Variants in FBXL7 observed in about 807,000 individuals in gnomAD.
FBXL7 encodes the protein F-box and leucine rich repeat protein 7, also known as F-box/LRR-repeat protein 7.
In FBXL7, 12 loss-of-function variants were observed where a neutral mutation model predicts 38.3. That is an observed-to-expected ratio of 0.31 (90% CI 0.20 to 0.51). FBXL7 has a LOEUF of 0.51. FBXL7 is among the 20% of genes least tolerant of loss of function. The pLI is 0.98. For synonymous variants in FBXL7, 297 were observed against 300.9 expected (o/e 0.99, Z 0.13); for missense variants, 567 against 676.4 (o/e 0.84, Z 1.79).
chr5:15,929,557 G>C (rs138533613), intron 3 of FBXL7, among the ~76,000 whole-genome samples: 3 of 150,402 alleles, frequency 2.0e-5, no homozygotes, highest in Non-Finnish European at 4.4e-5. Flanking sequence ...CCAGGAGTTC[G>C]AAGCTGCAGT....
At chr5:15,923,883 C>A (rs1741811892) in intron 2 of FBXL7, among the ~76,000 whole-genome samples, 1 of 151,974 alleles carries the variant, frequency 6.6e-6, no homozygotes, top group Admixed American at 6.6e-5. Flanking sequence ...AAGTATCTTT[C>A]ATTCCTCAGT....
chr5:15,545,492 GATT>G (rs1260406276), intron 1 of FBXL7, among the ~76,000 whole-genome samples: 1 of 152,140 alleles, frequency 6.6e-6, no homozygotes, highest in Non-Finnish European at 1.5e-5. Context: ...TAATCATATA[GATT>G]ATTATTTTCT....
intron 2 of FBXL7, among the ~76,000 whole-genome samples, chr5:15,643,832 G>T (rs1460004640): frequency 1.3e-5 from 2 of 152,328 alleles, no homozygotes; most frequent in South Asian, 4.1e-4. Context: ...GGCTGTAGAG[G>T]TGGCTCCTTG....
chr5:15,690,959 T>C (rs1047437541), intron 2 of FBXL7, among the ~76,000 whole-genome samples: 9 of 152,224 alleles, frequency 5.9e-5, no homozygotes, highest in Admixed American at 5.9e-4. Flanking sequence ...TTTGAGGATG[T>C]TGGCACTCTA....
intron 2 of FBXL7, among the ~76,000 whole-genome samples, chr5:15,763,021 G>A (rs1736490159): frequency 6.6e-6 from 1 of 151,916 alleles, no homozygotes; most frequent in Admixed American, 6.6e-5. Flanking sequence ...TTTCTCTCTT[G>A]CTCTAACACT....
At chr5:15,513,960 A>G (rs1004379382) in intron 1 of FBXL7, among the ~76,000 whole-genome samples, 8 of 151,878 alleles carry the variant, frequency 5.3e-5, no homozygotes, top group Non-Finnish European at 7.4e-5. Flanking sequence ...TTACCCTGCA[A>G]TCCTGTTTGG....
intron 2 of FBXL7, among the ~76,000 whole-genome samples, chr5:15,834,198 G>A (rs182119062): frequency 6.6e-6 from 1 of 152,120 alleles, no homozygotes; most frequent in African/African-American, 2.4e-5. Context: ...GTGGAACACT[G>A]GTTAACAAAT....
chr5:15,772,337 CAAGAAAGG>C (rs1736750668), intron 2 of FBXL7, among the ~76,000 whole-genome samples: 2 of 152,110 alleles, frequency 1.3e-5, no homozygotes, highest in African/African-American at 4.8e-5. Flanking sequence ...GATGTGTCAG[CAAGAAAGG>C]TGAAGGCAGC....
At chr5:15,834,239 A>C (rs895390400) in intron 2 of FBXL7, among the ~76,000 whole-genome samples, 5 of 152,318 alleles carry the variant, frequency 3.3e-5, no homozygotes, top group African/African-American at 1.2e-4. Context: ...TATCTAGGGA[A>C]CGTAACTTTG....
At chr5:15,624,625 CCTACACTTGAAGTTAA>C (rs1402085169) in intron 2 of FBXL7, among the ~76,000 whole-genome samples, 1 of 152,146 alleles carries the variant, frequency 6.6e-6, no homozygotes, top group Non-Finnish European at 1.5e-5. Flanking sequence ...ATGTAGCATT[CCTACACTTGAAGTTAA>C]CATCATTTTC....
At chr5:15,540,779 G>A (rs748687647) in intron 1 of FBXL7, among the ~76,000 whole-genome samples, 66 of 152,232 alleles carry the variant, frequency 4.3e-4, no homozygotes, top group South Asian at 4.1e-4. Context: ...GTATCTGCAC[G>A]TGGTGGAAAT....
At chr5:15,524,535 C>A (rs775633663) in intron 1 of FBXL7, among the ~76,000 whole-genome samples, 3 of 152,100 alleles carry the variant, frequency 2.0e-5, no homozygotes, top group Non-Finnish European at 2.9e-5. Context: ...TGCTGCTGAC[C>A]CTGACCTCTC....
intron 1 of FBXL7, among the ~76,000 whole-genome samples, chr5:15,504,430 G>A (rs1028676337): frequency 2.6e-5 from 4 of 152,062 alleles, no homozygotes; most frequent in African/African-American, 9.7e-5. Flanking sequence ...ACGAACTCCC[G>A]CCTCCTCTTC....
Position 15,886,712 on chromosome 5 carries a change from G to A in FBXL7, c.128-41178G>A, listed in dbSNP as rs1740692721. Among the ~76,000 whole-genome samples, 3 of 152,196 alleles carry A rather than the reference G, an allele frequency of 2.0e-5. No homozygotes were observed. In the South Asian group the frequency reaches 6.2e-4, roughly 32 times the overall value. Reference sequence around the variant, plus strand: ...TCCCTTAACTAGCAGGGTACAAGCAGTGTACACGGAGCCAAGGAGAAAATC... The same window carrying A: ...TCCCTTAACTAGCAGGGTACAAGCAATGTACACGGAGCCAAGGAGAAAATC... On this transcript the variant is annotated intron_variant, in intron 2 of 3. Coordinates refer to ENST00000504595, the MANE Select transcript of FBXL7 (RefSeq NM_012304.5).
chr5:15,911,233 CT>C (rs1741418429), intron 2 of FBXL7, among the ~76,000 whole-genome samples: 1 of 43,792 alleles, frequency 2.3e-5, no homozygotes, highest in Non-Finnish European at 3.8e-5. Context: ...TCTTTTTATT[CT>C]TTTTTCTCTA....
At position 15,889,111 on chromosome 5, in the gene FBXL7, C is replaced by T. The variant is rs746114154; in HGVS notation, c.128-38779C>T. Among the ~76,000 whole-genome samples, 64 of 152,200 alleles carry T rather than the reference C, an allele frequency of 4.2e-4. No homozygotes were observed. In the Middle Eastern group the frequency reaches 0.01, roughly 24 times the overall value. Reference sequence around the variant, plus strand: ...AAGTGGGGCGGGGGGAAAGAAGGAACATTCACAACCTCTCAGAGACAAGGA... The same window carrying T: ...AAGTGGGGCGGGGGGAAAGAAGGAATATTCACAACCTCTCAGAGACAAGGA... On this transcript the variant is annotated intron_variant, in intron 2 of 3. Transcript: ENST00000504595.
intron 2 of FBXL7, among the ~76,000 whole-genome samples, chr5:15,861,854 C>G (rs868701768): frequency 6.6e-6 from 1 of 152,296 alleles, no homozygotes; most frequent in Admixed American, 6.5e-5. Flanking sequence ...CATATTCCAA[C>G]TCCATTTGTC....
intron 1 of FBXL7, among the ~76,000 whole-genome samples, chr5:15,560,658 C>T (rs553893363): frequency 2.6e-4 from 39 of 152,238 alleles, no homozygotes; most frequent in South Asian, 8.3e-4. Context: ...ACTGTATGCC[C>T]GTGACCCAGC....
intron 2 of FBXL7, among the ~76,000 whole-genome samples, chr5:15,862,371 T>C (rs1739513665): frequency 1.3e-5 from 2 of 152,174 alleles, no homozygotes; most frequent in African/African-American, 4.8e-5. Flanking sequence ...GTGAATCCAT[T>C]AAACCCCTTT....
Sources: gnomAD v4.1 joint callset for allele counts (sites outside exome capture counted in the v4.1 genomes callset) on GRCh38, gnomAD v4.1.1 for gene constraint, MANE v1.5 for transcripts, NCBI Gene and HGNC (gene_info 2026-07-23, HGNC 2026-07-21) for gene names.